NOS1AP: variants seen among roughly 807,000 people sequenced by gnomAD.
NOS1AP encodes the protein nitric oxide synthase 1 adaptor protein.
NOS1AP carries 21 observed loss-of-function variants against 56.2 expected under a neutral mutation model. That is an observed-to-expected ratio of 0.37 (90% CI 0.26 to 0.54). The LOEUF is 0.54. Ranked by LOEUF, NOS1AP falls within the 20% of genes least tolerant of loss-of-function variation. The pLI is 0.84. For missense variants in NOS1AP, 522 were observed against 657.8 expected (o/e 0.79, Z 2.26); for synonymous variants, 270 against 274.6 (o/e 0.98, Z 0.17).
chr1:162,272,691 G>A (rs1654620431), intron 2 of NOS1AP, among the ~76,000 whole-genome samples: 1 of 152,098 alleles, frequency 6.6e-6, no homozygotes, highest in African/African-American at 2.4e-5. Context: ...GAGCCTGTGT[G>A]GATTCAGTCA....
intron 2 of NOS1AP, among the ~76,000 whole-genome samples, chr1:162,176,505 C>CT (rs34280743): frequency 0.45 from 39,039 of 87,482 alleles, 9,265 homozygotes; most frequent in Non-Finnish European, 0.55. Context: ...CATAATAGCT[C>CT]TTTTTTTTTT....
At chr1:162,109,690 G>A (rs1342404428) in intron 1 of NOS1AP, among the ~76,000 whole-genome samples, 1 of 152,038 alleles carries the variant, frequency 6.6e-6, no homozygotes, top group Admixed American at 6.6e-5. Flanking sequence ...AAAGTTCTAT[G>A]TAAAATGGGT....
chr1:162,073,080 G>T (rs1315530230), intron 1 of NOS1AP, among the ~76,000 whole-genome samples: 1 of 152,186 alleles, frequency 6.6e-6, no homozygotes, highest in Non-Finnish European at 1.5e-5. Context: ...GGGCATCTGG[G>T]TGGCAGAGGT....
intron 2 of NOS1AP, among the ~76,000 whole-genome samples, chr1:162,172,082 A>C (rs1650813973): frequency 6.6e-6 from 1 of 152,070 alleles, no homozygotes. Flanking sequence ...CCCAGGCCTT[A>C]CTCAGCCTAC....
rs540130681 is a variant in NOS1AP at position 162,165,318 on chromosome 1, T to A, written c.177+10842T>A. 1.1e-4 allele frequency among the ~76,000 whole-genome samples: 16 copies of A among 151,344 alleles called. No individual in the cohort carries two copies. The East Asian group carries it at 1.4e-3, about 13-fold the overall frequency. ...CCTGGGTAACAAGAGCGAAACTCTG[T>A]CAAAAAAAAAAGAAAGACTTCCTCA... On this transcript the variant is annotated intron_variant, in intron 2 of 9. Coordinates refer to ENST00000361897, the MANE Select transcript of NOS1AP (RefSeq NM_014697.3).
chr1:162,170,344 A>C (rs1650705164), intron 2 of NOS1AP, among the ~76,000 whole-genome samples: 1 of 152,200 alleles, frequency 6.6e-6, no homozygotes, highest in Admixed American at 6.5e-5. Context: ...CCCATTTTAC[A>C]GATAAGGTAA....
intron 2 of NOS1AP, among the ~76,000 whole-genome samples, chr1:162,281,808 A>G (rs1654935090): frequency 6.6e-6 from 1 of 152,230 alleles, no homozygotes; most frequent in African/African-American, 2.4e-5. Flanking sequence ...TATTGTGGTA[A>G]AATATACATG....
chr1:162,338,503 A>G (rs1657008009), intron 5 of NOS1AP: 1 of 152,236 alleles, frequency 6.6e-6, no homozygotes, highest in African/African-American at 2.4e-5. Flanking sequence ...ACAGTGCCCA[A>G]AATTATTTAT....
At chr1:162,148,745 CT>C (rs1477666525) in intron 1 of NOS1AP, among the ~76,000 whole-genome samples, 3 of 152,188 alleles carry the variant, frequency 2.0e-5, no homozygotes, top group Non-Finnish European at 4.4e-5. Flanking sequence ...AAAGAGATCA[CT>C]CTGGCAGCTT....
At chr1:162,094,948 G>T (rs914925409) in intron 1 of NOS1AP, among the ~76,000 whole-genome samples, 1 of 152,198 alleles carries the variant, frequency 6.6e-6, no homozygotes, top group Non-Finnish European at 1.5e-5. Context: ...GAGGGATGGG[G>T]TGTAACGGGT....
intron 8 of NOS1AP, among the ~76,000 whole-genome samples, chr1:162,360,384 C>T (rs755642731): frequency 1.3e-5 from 2 of 152,144 alleles, no homozygotes; most frequent in Non-Finnish European, 2.9e-5. Flanking sequence ...AGCCTCGAAG[C>T]GAAGCTGGGA....
In NOS1AP at chr1:162,146,411, C is replaced by T. The variant is rs988121163; in HGVS notation, c.106-7994C>T. On this transcript the variant is annotated intron_variant, in intron 1 of 9. Transcript: ENST00000361897. ...CACAGTTGGGGTCCTGAAGACCTGG[C>T]TGGGGTTTACACATGATTTTGGAGG... Among the ~76,000 whole-genome samples, 6 of 152,142 alleles carry T rather than the reference C, an allele frequency of 3.9e-5. No individual in the cohort carries two copies. The East Asian group carries it at 9.6e-4, about 24-fold the overall frequency.
At chr1:162,208,455 A>G (rs567785516) in intron 2 of NOS1AP, among the ~76,000 whole-genome samples, 1 of 151,908 alleles carries the variant, frequency 6.6e-6, no homozygotes, top group South Asian at 2.1e-4. Flanking sequence ...ATTCTAGTTC[A>G]TTTTAGCCAC....
intron 1 of NOS1AP, among the ~76,000 whole-genome samples, chr1:162,083,559 G>A (rs1295059778): frequency 1.3e-5 from 2 of 152,108 alleles, no homozygotes. Context: ...GCTCTTTAAT[G>A]TGGCTAGATT....
intron 2 of NOS1AP, among the ~76,000 whole-genome samples, chr1:162,217,548 A>G (rs1316602359): frequency 1.3e-5 from 2 of 152,044 alleles, no homozygotes; most frequent in Admixed American, 1.3e-4. Flanking sequence ...TACAGGCGTG[A>G]GCCACTGTGC....
chr1:162,109,365 G>A (rs1458093965), intron 1 of NOS1AP, among the ~76,000 whole-genome samples: 1 of 152,208 alleles, frequency 6.6e-6, no homozygotes, highest in Non-Finnish European at 1.5e-5. Context: ...GTTGTTTTCA[G>A]ATGAGATAGC....
intron 1 of NOS1AP, among the ~76,000 whole-genome samples, chr1:162,094,569 G>A (rs1345188081): frequency 6.6e-6 from 1 of 152,210 alleles, no homozygotes; most frequent in African/African-American, 2.4e-5. Context: ...GAGTGTCTGA[G>A]CTGAGTTCTG....
intron 2 of NOS1AP, among the ~76,000 whole-genome samples, chr1:162,265,034 T>C (rs1654376465): frequency 6.6e-6 from 1 of 151,800 alleles, no homozygotes; most frequent in Admixed American, 6.6e-5. Context: ...AGGCTGGCCT[T>C]GAACTCCTGA....
At chr1:162,240,241 G>A (rs1653446357) in intron 2 of NOS1AP, among the ~76,000 whole-genome samples, 3 of 144,388 alleles carry the variant, frequency 2.1e-5, no homozygotes, top group South Asian at 2.3e-4. Context: ...GCACTGTGTG[G>A]CCAGTGTGTG....
Sources: gnomAD v4.1 joint callset for allele counts (sites outside exome capture counted in the v4.1 genomes callset) on GRCh38, gnomAD v4.1.1 for gene constraint, MANE v1.5 for transcripts, NCBI Gene and HGNC (gene_info 2026-07-23, HGNC 2026-07-21) for gene names.